WDR44: variants seen among roughly 807,000 people sequenced by gnomAD.
The protein encoded by WDR44 is WD repeat-containing protein 44.
Under a neutral mutation model 65.7 loss-of-function variants are expected in WDR44, and 9 were observed. That is an observed-to-expected ratio of 0.14 (90% CI 0.08 to 0.24). The LOEUF (loss-of-function observed/expected upper bound fraction) is 0.24, where lower values mean the gene tolerates loss of function less well. Ranked by LOEUF, WDR44 falls within the 10% of genes least tolerant of loss-of-function variation. The probability of loss-of-function intolerance (pLI) is 1.00; values close to 1 mark genes in which losing one functional copy is unlikely to be tolerated. For missense variants in WDR44, 425 were observed against 670.9 expected (o/e 0.63, Z 4.05); for synonymous variants, 220 against 235.2 (o/e 0.94, Z 0.59).
chrX:118,357,450 A>T (rs1169977122), intron 1 of WDR44, among the ~76,000 whole-genome samples: 6 of 112,174 alleles, frequency 5.3e-5, no homozygotes, highest in Non-Finnish European at 7.5e-5. Flanking sequence ...TGAACTCAAA[A>T]GAAGGAAAAC....
intron 12 of WDR44, among the ~76,000 whole-genome samples, chrX:118,415,359 C>T (rs1471658093): frequency 9.0e-6 from 1 of 111,529 alleles, no homozygotes; most frequent in Non-Finnish European, 1.9e-5. Flanking sequence ...TGTGTCCTTT[C>T]CTGATTTTGG....
At chrX:118,402,038 C>A (rs2056921651) in intron 8 of WDR44, among the ~76,000 whole-genome samples, 1 of 108,019 alleles carries the variant, frequency 9.3e-6, no homozygotes, top group South Asian at 4.0e-4. Flanking sequence ...TTTAGAAAAT[C>A]AAATATATCA....
At chrX:118,430,396 G>A (rs1340975138) in intron 12 of WDR44, among the ~76,000 whole-genome samples, 16 of 104,389 alleles carry the variant, frequency 1.5e-4, no homozygotes, top group Admixed American at 1.5e-3. Context: ...ACAAAAATTA[G>A]CCAGGCACGG....
intron 12 of WDR44, among the ~76,000 whole-genome samples, chrX:118,421,842 T>G (rs901472440): frequency 9.0e-6 from 1 of 111,502 alleles, no homozygotes; most frequent in Non-Finnish European, 1.9e-5. Flanking sequence ...TAGACACTTA[T>G]AAAGTAGGGA....
intron 4 of WDR44, among the ~76,000 whole-genome samples, 154 bp downstream of exon 4, chrX:118,393,425 C>A (rs752366727): frequency 3.2e-4 from 35 of 108,610 alleles, no homozygotes; most frequent in Admixed American, 8.9e-4. Flanking sequence ...GCAACAACAA[C>A]AAAAAAAAAT....
intron 1 of WDR44, among the ~76,000 whole-genome samples, chrX:118,361,352 A>G (rs981167310): frequency 4.0e-4 from 45 of 112,149 alleles, no homozygotes; most frequent in African/African-American, 1.4e-3. Context: ...CCCAAGAGGC[A>G]GAAGGATCTG....
intron 14 of WDR44, among the ~76,000 whole-genome samples, chrX:118,439,052 C>T (rs1405491973): frequency 1.9e-5 from 2 of 108,107 alleles, no homozygotes; most frequent in Non-Finnish European, 3.8e-5. Flanking sequence ...TCACAAAGTG[C>T]TGGAATTACA....
chrX:118,429,770 C>T (rs2057191914), intron 12 of WDR44, among the ~76,000 whole-genome samples: 2 of 110,144 alleles, frequency 1.8e-5, no homozygotes, highest in Admixed American at 9.8e-5. Flanking sequence ...CTTAGCCTCC[C>T]GAGTAGCTAG....
chrX:118,398,338 G>C (rs2056883170), intron 7 of WDR44, 49 bp from the exon 8 acceptor site: 2 of 1,061,783 alleles, frequency 1.9e-6, no homozygotes, highest in African/African-American at 3.7e-5. Flanking sequence ...AGATTTTTAA[G>C]AAGTATAGAA....
chrX:118,355,547 G>A (rs1259682357), intron 1 of WDR44, among the ~76,000 whole-genome samples: 1 of 112,054 alleles, frequency 8.9e-6, no homozygotes, highest in African/African-American at 3.2e-5. Flanking sequence ...TTATTAGCTT[G>A]GCTTAAGGGT....
intron 8 of WDR44, 32 bp from the exon 9 acceptor site, chrX:118,404,306 A>T: frequency 1.9e-6 from 2 of 1,062,356 alleles, no homozygotes; most frequent in South Asian, 2.0e-5. Context: ...TTTACAGTTA[A>T]CTGAGTTGAT....
At chrX:118,435,997 C>G (rs1187131861) in intron 13 of WDR44, among the ~76,000 whole-genome samples, 1 of 112,054 alleles carries the variant, frequency 8.9e-6, no homozygotes, top group East Asian at 2.8e-4. Context: ...CAGTATAACT[C>G]ATAGTTCTCC....
At chrX:118,437,896 C>T (rs765809911) in intron 14 of WDR44, among the ~76,000 whole-genome samples, 1 of 111,041 alleles carries the variant, frequency 9.0e-6, no homozygotes, top group African/African-American at 3.3e-5. Flanking sequence ...GTTAGTCAGG[C>T]ATGGTGGCAG....
chrX:118,405,434 G>A (rs1192757664), intron 9 of WDR44, among the ~76,000 whole-genome samples: 2 of 109,534 alleles, frequency 1.8e-5, no homozygotes, highest in Non-Finnish European at 3.8e-5. Flanking sequence ...CTGCCTCCTG[G>A]GTTCAAACAA....
At chrX:118,441,631 C>T in intron 15 of WDR44, 72 bp downstream of exon 15, 1 of 925,038 alleles carries the variant, frequency 1.1e-6, no homozygotes, top group South Asian at 2.9e-5. Context: ...GGACAAGTTG[C>T]TTATCCCCTC....
intron 3 of WDR44, among the ~76,000 whole-genome samples, chrX:118,390,067 ATATTTATT>A (rs3048527): frequency 4.7e-5 from 5 of 105,296 alleles, no homozygotes; most frequent in Non-Finnish European, 7.8e-5. Flanking sequence ...CTAATTTTTT[ATATTTATT>A]TATTTATTTA....
chrX:118,442,298 G>A lies in WDR44; in HGVS notation c.2221G>A (p.Val741Ile), dbSNP rs1368907226. 15 of 1,209,370 alleles carry A rather than the reference G, an allele frequency of 1.2e-5. No individual in the cohort carries two copies. Among genetic ancestry groups the A allele is most frequent in the African/African-American group, 1.7e-5 (1 of 57,326 alleles). The change falls in exon 16 of 20, where the codon GTT (valine) becomes ATT (isoleucine). Residue 741 changes from valine to isoleucine, a missense_variant. Around this residue, in one of 5 missense-constraint regions of WDR44, gnomAD observed 73 missense variants for 187.4 expected, o/e 0.39. Coordinates refer to ENST00000254029, the MANE Select transcript of WDR44 (RefSeq NM_019045.5). ...HVRSTRGRNK[V>I]GRKITGIEPL... Reference sequence around the variant, plus strand: ...CCGATCTACTAGAGGGCGCAACAAGGTTGGAAGAAAAATTACTGGCATTGA... The same window carrying A: ...CCGATCTACTAGAGGGCGCAACAAGATTGGAAGAAAAATTACTGGCATTGA...
chrX:118,409,421 T>G lies in WDR44; in HGVS notation c.1534-68T>G, dbSNP rs749630249. On this transcript the variant is annotated intron_variant, in intron 10 of 19. Transcript: ENST00000254029. Reference sequence around the variant, plus strand: ...CTGAGATTACAGACGTGAGCCACCATGCCAGGCCAAAAGTAAAGTCTCTAA... The same window carrying G: ...CTGAGATTACAGACGTGAGCCACCAGGCCAGGCCAAAAGTAAAGTCTCTAA... The G allele has an allele frequency of 1.5e-5, 17 of 1,135,834 alleles. No individual in the cohort carries two copies. In the South Asian group the frequency reaches 3.3e-4, roughly 22 times the overall value. 93.6% of individuals were successfully genotyped at this position (1,135,834 alleles called of 1,213,427 possible).
intron 1 of WDR44, among the ~76,000 whole-genome samples, chrX:118,369,801 G>A (rs1569359913): frequency 8.9e-6 from 1 of 111,941 alleles, no homozygotes; most frequent in Non-Finnish European, 1.9e-5. Flanking sequence ...AGGATATAAT[G>A]CATTAAAATG....
Sources: allele counts gnomAD v4.1 joint callset (sites outside exome capture counted in the v4.1 genomes callset), GRCh38; gene constraint gnomAD v4.1.1; regional missense constraint gnomAD v4.1.1; transcripts MANE v1.5; gene names NCBI Gene and HGNC (gene_info 2026-07-23, HGNC 2026-07-21).